The following P2RX6 variants were observed in gnomAD, a reference collection of about 807,000 sequenced individuals.
The protein encoded by P2RX6 is purinergic receptor P2X 6.
A neutral mutation model predicts 54.2 loss-of-function variants in P2RX6; 62 were observed. The ratio of observed to expected loss-of-function variants is 1.14; its 90% CI spans 0.93 to 1.41. The LOEUF (loss-of-function observed/expected upper bound fraction) is 1.41. Among genes scored for constraint, P2RX6 ranks in the 40% most tolerant of loss-of-function variants. P2RX6 has a pLI of 0.00. For synonymous variants in P2RX6, 211 were observed against 231.9 expected, an observed-to-expected ratio of 0.91 and a Z score of 0.82; for missense variants, 541 against 566.3, an observed-to-expected ratio of 0.96 and a Z score of 0.45.
At chr22:21,024,898 T>TTTTTTTG (rs1207446357) in intron 8 of P2RX6, among the ~76,000 whole-genome samples, 1 of 147,740 alleles carries the variant, frequency 6.8e-6, no homozygotes, top group Admixed American at 6.8e-5. Context: ...TTTTTTTTTT[T>TTTTTTTG]AGATGAAGTT....
rs1928620734 is a variant in P2RX6, at chr22:21,027,289, GTGGT to G, written c.*673_*676del. On this transcript the variant is annotated 3_prime_UTR_variant, in exon 12 of 12. Transcript: ENST00000413302. The stretch of plus-strand genomic sequence containing the variant: ...GTTTATGAGGACCGGCTGCTTTCCA[GTGGT>G]AGCCCTTTTGCCATGGAGGTCTGGG... 6.5e-6 allele frequency: 1 copy of G among 152,750 alleles called. No individual in the cohort carries two copies. The highest frequency in any genetic ancestry group is 1.5e-5 in the Non-Finnish European group (1 of 68,538). 9.5% of individuals were successfully genotyped at this position (152,750 alleles called of 1,614,324 possible).
intron 3 of P2RX6, among the ~76,000 whole-genome samples, chr22:21,021,574 C>T (rs1927414373): frequency 6.6e-6 from 1 of 152,132 alleles, no homozygotes; most frequent in Non-Finnish European, 1.5e-5. Context: ...TCAGAAAGTC[C>T]CACCGCCTCA....
At chr22:21,012,572 T>C (rs1925800465), upstream of P2RX6, 4 of 619,944 alleles carry the variant, frequency 6.5e-6, no homozygotes, top group Non-Finnish European at 9.1e-6. Context: ...AGGGCCTCTG[T>C]ACCTGCCCCA....
rs1296385001 is a variant in P2RX6 at position 21,026,508 on chromosome 22, G to A, written c.1217G>A (p.Ser406Asn). 3.1e-6 allele frequency: 5 copies of A among 1,595,578 alleles called. No homozygotes were observed. Among genetic ancestry groups the A allele is most frequent in the African/African-American group, 2.7e-5 (2 of 74,574 alleles). ...QARLAECLRR[S>N]SAPAPTATAA... ...CGACTGGCCGAGTGCCTCAGACGGA[G>A]CTCAGCACCTGCACCCACGGCCACT... Residue 406 changes from serine to asparagine, a missense_variant, in exon 12 of 12, where the codon AGC becomes AAC. Ser to Asn is a conservative substitution (Grantham distance 46). This residue lies in a region of P2RX6 where 526 missense variants were observed against 531.5 expected (regional missense o/e 0.99). Transcript: ENST00000413302. This position sits in a 1 kb window ranked among gnomAD's most constrained non-coding sequence, Gnocchi z 4.0.
upstream of P2RX6, among the ~76,000 whole-genome samples, chr22:21,014,637 G>A (rs951852515): frequency 2.6e-5 from 4 of 152,168 alleles, no homozygotes; most frequent in African/African-American, 9.7e-5. Context: ...CAGCTTTTCA[G>A]GAGGGCCTGG....
rs1927783020 is a variant in P2RX6 at position 21,023,281 on chromosome 22, T to C, written c.645T>C (p.Asn215=). The C allele has an allele frequency of 6.2e-7, 1 of 1,613,948 alleles. No individual in the cohort carries two copies. The highest frequency in any genetic ancestry group is 1.1e-5 in the South Asian group (1 of 91,078). The part of the protein sequence containing the change: ...TFSKFNFSKS[N]ALETWDPTYF... Reference sequence around the variant, plus strand: ...CCTTTCCCACTCCTCCCAGGTCCAATGCCTTGGAGACCTGGGACCCCACCT... The same window carrying C: ...CCTTTCCCACTCCTCCCAGGTCCAACGCCTTGGAGACCTGGGACCCCACCT... The change falls in exon 7 of 12, where the codon AAT becomes AAC. Residue 215 remains asparagine, a synonymous_variant. Coordinates refer to ENST00000413302, the MANE Select transcript of P2RX6 (RefSeq NM_005446.5).
At chr22:21,013,408 C>T (rs1925879719), upstream of P2RX6, among the ~76,000 whole-genome samples, 2 of 152,202 alleles carry the variant, frequency 1.3e-5, no homozygotes, top group South Asian at 4.1e-4. Flanking sequence ...GCTGGACAAC[C>T]TGGGCAACAT....
chr22:21,018,174 G>T lies in P2RX6; in HGVS notation c.387+114G>T. 2 of 732,168 alleles carry T rather than the reference G, an allele frequency of 2.7e-6. 1 individual carries two copies. Among genetic ancestry groups the T allele is most frequent in the South Asian group, 3.0e-5 (2 of 67,510 alleles). 45.4% of individuals were successfully genotyped at this position (732,168 alleles called of 1,614,324 possible). A position where few individuals can be genotyped will look rare whatever the true frequency, so the allele number is the denominator to read the frequency against. ...TGGCTGAAGGCTCAGCCTGTGCTCG[G>T]TGTCCCCCAGGCACTGGGCTACATC... On this transcript the variant is annotated intron_variant, in intron 3 of 11. Transcript: ENST00000413302.
At chr22:21,012,157 TCCCACCTTG>T (rs1484590949), upstream of P2RX6, among the ~76,000 whole-genome samples, 1 of 152,198 alleles carries the variant, frequency 6.6e-6, no homozygotes, top group Non-Finnish European at 1.5e-5. Flanking sequence ...TTCAATGAAC[TCCCACCTTG>T]CCCACCCCTT....
At chr22:21,019,963 G>A (rs1212365110) in intron 3 of P2RX6, among the ~76,000 whole-genome samples, 4 of 152,158 alleles carry the variant, frequency 2.6e-5, no homozygotes, top group East Asian at 3.9e-4. Context: ...CCCTCATTCC[G>A]GTAAACCCAC....
rs377001005 is a variant in P2RX6 at position 21,025,801 on chromosome 22, A to T, written c.891-4A>T. ...GTCACCAGAGCCTTCTTTCCTGCCC[A>T]CAGGACAGCCACTCACTGGTGGGAG... On this transcript the variant is annotated splice_region_variant and splice_polypyrimidine_tract_variant and intron_variant, in intron 8 of 11. Transcript: ENST00000413302. The T allele has an allele frequency of 1.9e-4, 294 of 1,554,170 alleles. No individual in the cohort carries two copies. Among genetic ancestry groups the T allele is most frequent in the Non-Finnish European group, 2.3e-4 (269 of 1,148,886 alleles).
intron 8 of P2RX6, 70 bp downstream of exon 8, chr22:21,023,688 A>G: frequency 8.8e-7 from 1 of 1,135,242 alleles, no homozygotes; most frequent in Non-Finnish European, 1.3e-6. Context: ...GCCAGGACAG[A>G]CCACACCCAG....
chr22:21,012,338 C>A (rs971521995), upstream of P2RX6, among the ~76,000 whole-genome samples: 2 of 152,146 alleles, frequency 1.3e-5, no homozygotes, highest in Admixed American at 1.3e-4. Context: ...GACTTGTATC[C>A]AGCATCAGCT....
intron 3 of P2RX6, among the ~76,000 whole-genome samples, chr22:21,019,926 C>T (rs1024745683): frequency 6.6e-5 from 10 of 152,364 alleles, no homozygotes; most frequent in Admixed American, 2.0e-4. Flanking sequence ...AGCGGTTTTC[C>T]GCCCTGGGTG....
upstream of P2RX6, chr22:21,010,336 G>A (rs1192143592): frequency 6.6e-6 from 1 of 152,240 alleles, no homozygotes; most frequent in East Asian, 1.9e-4. Flanking sequence ...CCTATGTTCA[G>A]TTTGTCAAAG....
chr22:21,026,650 G>C lies in P2RX6; in HGVS notation c.*33G>C. ...CTGCTGGTTGAGAGTTGGGGGCTGG[G>C]AAGGGCGGGGCCCTGCCTGGGGATC... On this transcript the variant is annotated 3_prime_UTR_variant, in exon 12 of 12. Coordinates refer to ENST00000413302, the MANE Select transcript of P2RX6 (RefSeq NM_005446.5). This position sits in a 1 kb window ranked among gnomAD's most constrained non-coding sequence, Gnocchi z 4.0. 1 of 1,547,784 alleles carries C rather than the reference G, an allele frequency of 6.5e-7. No homozygotes were observed. The highest frequency in any genetic ancestry group is 8.7e-7 in the Non-Finnish European group (1 of 1,145,414).
chr22:21,018,138 C>T (rs928304917), intron 3 of P2RX6, 78 bp downstream of exon 3: 17 of 927,000 alleles, frequency 1.8e-5, no homozygotes, highest in Admixed American at 3.9e-5. Context: ...TTTCCCTTTC[C>T]CCTTCCCAGG....
rs1374009647 is a variant in P2RX6, at chr22:21,027,636, A to C, written c.*1019A>C. 2 of 151,894 alleles carry C rather than the reference A, an allele frequency of 1.3e-5. No homozygotes were observed. Among genetic ancestry groups the C allele is most frequent in the African/African-American group, 4.9e-5 (2 of 41,204 alleles). The allele number at this position is 151,894 out of a possible 1,614,324, so 9.4% of individuals were successfully genotyped here. A position where few individuals can be genotyped will look rare whatever the true frequency, so the allele number is the denominator to read the frequency against. ...CAGGCTGGCCAGGTTTTGCAGCTGG[A>C]ATTCTCCTCTTGGTCCCAGGGCGGG... On this transcript the variant is annotated 3_prime_UTR_variant, in exon 12 of 12. Transcript: ENST00000413302.
At chr22:21,009,825 C>T (rs1925639998) in exon 1 of P2RX6, 3 of 155,776 alleles carry the variant, frequency 1.9e-5, no homozygotes, top group Admixed American at 6.5e-5. Flanking sequence ...GCATTGCCCC[C>T]TCTCTACCTG....
Sources: allele counts gnomAD v4.1 joint callset (sites outside exome capture counted in the v4.1 genomes callset), GRCh38; gene constraint gnomAD v4.1.1; regional missense constraint gnomAD v4.1.1; non-coding constraint Gnocchi (gnomAD v3.1); transcripts MANE v1.5; gene names NCBI Gene and HGNC (gene_info 2026-07-23, HGNC 2026-07-21).